The following STAU2 variants were observed in gnomAD, a reference collection of about 807,000 sequenced individuals.
The protein encoded by STAU2 is double-stranded RNA-binding protein Staufen homolog 2.
Under a neutral mutation model 65.9 loss-of-function variants are expected in STAU2, and 20 were observed. The ratio of observed to expected loss-of-function variants is 0.30; its 90% CI spans 0.21 to 0.44. STAU2 has a LOEUF of 0.44. Ranked by LOEUF, STAU2 falls within the 20% of genes least tolerant of loss-of-function variation. STAU2 has a pLI of 1.00. For missense variants in STAU2, 558 were observed against 683.9 expected (o/e 0.82, Z 2.05); for synonymous variants, 232 against 233.9 (o/e 0.99, Z 0.07).
At position 73,519,186 on chromosome 8, in the gene STAU2, T is replaced by C. The variant is rs2128927693; in HGVS notation, c.1530+32826A>G. 2.0e-5 allele frequency among the ~76,000 whole-genome samples: 3 copies of C among 152,288 alleles called. No homozygotes were observed. The South Asian group carries it at 6.2e-4, about 32-fold the overall frequency. ...AGCAAAGCCGCTGAAGTTCAAAACCTGCACTGAATCTATCTCAAACAAAGA... is the reference window on the plus strand; with the variant it reads ...AGCAAAGCCGCTGAAGTTCAAAACCCGCACTGAATCTATCTCAAACAAAGA... On this transcript the variant is annotated intron_variant, in intron 13 of 14. Transcript: ENST00000524300.
At chr8:73,551,634 A>C in intron 13 of STAU2, 2 of 994,562 alleles carry the variant, frequency 2.0e-6, no homozygotes. Flanking sequence ...ATGTAAAAAA[A>C]GGGAGAACTG....
At chr8:73,699,915 A>T (rs1819972157) in intron 4 of STAU2, among the ~76,000 whole-genome samples, 1 of 151,906 alleles carries the variant, frequency 6.6e-6, no homozygotes, top group Admixed American at 6.6e-5. Flanking sequence ...TATTGATGCA[A>T]AAACCCTCAA....
chr8:73,457,435 T>C (rs1279063268), intron 13 of STAU2, among the ~76,000 whole-genome samples: 1 of 152,226 alleles, frequency 6.6e-6, no homozygotes, highest in African/African-American at 2.4e-5. Context: ...CATAGTTGAA[T>C]CTTCATCTCG....
At chr8:73,705,698 A>C (rs1375290886) in intron 4 of STAU2, among the ~76,000 whole-genome samples, 1 of 152,218 alleles carries the variant, frequency 6.6e-6, no homozygotes, top group African/African-American at 2.4e-5. Context: ...TGAGCAGAAA[A>C]ATAAAAGAAG....
At chr8:73,670,105 G>C (rs1164070880) in intron 6 of STAU2, among the ~76,000 whole-genome samples, 1 of 151,994 alleles carries the variant, frequency 6.6e-6, no homozygotes. Context: ...ATTTACATTG[G>C]GGAACGTCAG....
Position 73,732,910 on chromosome 8 carries a change from AT to A in STAU2, c.-18+5373del, listed in dbSNP as rs1297484135. ...AGTAGTACCAGCACCAATGCTAAGC[AT>A]TTTGCCTTTGTTATCTCAATTACTC... On this transcript the variant is annotated intron_variant, in intron 3 of 14. Coordinates refer to ENST00000524300, the MANE Select transcript of STAU2 (RefSeq NM_001164380.2). The A allele has an allele frequency of 9.9e-5, 15 of 152,142 alleles. No individual in the cohort carries two copies. The East Asian group carries it at 2.9e-3, about 29-fold the overall frequency. 9.4% of individuals were successfully genotyped at this position (152,142 alleles called of 1,614,324 possible). A position where few individuals can be genotyped will look rare whatever the true frequency, so the allele number is the denominator to read the frequency against.
intron 5 of STAU2, among the ~76,000 whole-genome samples, chr8:73,681,822 A>G (rs2130471644): frequency 6.6e-6 from 1 of 152,320 alleles, no homozygotes; most frequent in East Asian, 1.9e-4. Context: ...CAGCAGGAGT[A>G]GCTATTCTTA....
At chr8:73,657,840 C>T (rs150629135) in intron 6 of STAU2, among the ~76,000 whole-genome samples, 2 of 151,628 alleles carry the variant, frequency 1.3e-5, no homozygotes, top group Non-Finnish European at 2.9e-5. Context: ...ATAGTGAAAC[C>T]TTGTCTCTAC....
chr8:73,501,470 C>T (rs1034130488), intron 13 of STAU2, among the ~76,000 whole-genome samples: 4 of 151,870 alleles, frequency 2.6e-5, no homozygotes, highest in African/African-American at 9.7e-5. Flanking sequence ...CCTATATACA[C>T]ACACTCCAGA....
chr8:73,667,090 C>G (rs901869308), intron 6 of STAU2, among the ~76,000 whole-genome samples: 2 of 152,178 alleles, frequency 1.3e-5, no homozygotes, highest in African/African-American at 4.8e-5. Context: ...ATCCAAATAT[C>G]TGAAGTTATC....
intron 9 of STAU2, among the ~76,000 whole-genome samples, chr8:73,611,530 T>C (rs1268756353): frequency 6.6e-6 from 1 of 152,158 alleles, no homozygotes; most frequent in African/African-American, 2.4e-5. Context: ...GTTTCTCCTG[T>C]CTCCCACCTC....
chr8:73,659,903 C>G (rs967014738), intron 6 of STAU2, among the ~76,000 whole-genome samples: 1 of 152,030 alleles, frequency 6.6e-6, no homozygotes, highest in Non-Finnish European at 1.5e-5. Flanking sequence ...ATAATCGCAA[C>G]AAACTTGAGG....
At chr8:73,678,888 T>C (rs1391931511) in intron 5 of STAU2, among the ~76,000 whole-genome samples, 2 of 151,968 alleles carry the variant, frequency 1.3e-5, no homozygotes, top group Admixed American at 6.6e-5. Context: ...TTCTGCAGAG[T>C]AGTCCTTGAA....
intron 13 of STAU2, among the ~76,000 whole-genome samples, chr8:73,423,477 C>A (rs571796028): frequency 6.6e-6 from 1 of 152,184 alleles, no homozygotes; most frequent in Non-Finnish European, 1.5e-5. Context: ...CTCCCCTCCC[C>A]CAAGCCCGAC....
Position 73,686,667 on chromosome 8 carries a change from C to A in STAU2, c.274+1987G>T, listed in dbSNP as rs114330863. The stretch of plus-strand genomic sequence containing the variant: ...GCATGGGTGATGGGTGCAACAAAAT[C>A]TCAGAAATCATCACGGAAGAATTTA... On this transcript the variant is annotated intron_variant, in intron 5 of 14. Coordinates refer to ENST00000524300, the MANE Select transcript of STAU2 (RefSeq NM_001164380.2). Among the ~76,000 whole-genome samples, 492 of 151,522 alleles carry A rather than the reference C, an allele frequency of 3.2e-3. 1 individual carries two copies. Among genetic ancestry groups the A allele is most frequent in the African/African-American group, 0.011 (470 of 41,292 alleles).
At chr8:73,440,649 C>A (rs1818065224) in intron 13 of STAU2, 1 of 151,488 alleles carries the variant, frequency 6.6e-6, no homozygotes, top group Non-Finnish European at 1.5e-5. Context: ...CTAACTCGCA[C>A]CCCTGTGTGC....
intron 6 of STAU2, among the ~76,000 whole-genome samples, chr8:73,663,039 T>C (rs1297200472): frequency 4.6e-5 from 7 of 152,234 alleles, no homozygotes; most frequent in Non-Finnish European, 1.0e-4. Flanking sequence ...TGTTCATATA[T>C]GGATTGATCT....
In STAU2 at chr8:73,706,401, G is replaced by C. The variant is rs141974526; in HGVS notation, c.114+2631C>G. On this transcript the variant is annotated intron_variant, in intron 4 of 14. Coordinates refer to ENST00000524300, the MANE Select transcript of STAU2 (RefSeq NM_001164380.2). ...TGAAGTTCTGGGATTACAGGCATGAGTCACCATGCCCAGCCCCAAGAAAAT... is the reference window on the plus strand; with the variant it reads ...TGAAGTTCTGGGATTACAGGCATGACTCACCATGCCCAGCCCCAAGAAAAT... Among the ~76,000 whole-genome samples the C allele has an allele frequency of 1.4e-3, 212 of 152,206 alleles. 1 individual carries two copies. Among genetic ancestry groups the C allele is most frequent in the African/African-American group, 4.8e-3 (201 of 41,524 alleles).
chr8:73,565,570 T>C (rs1302820161), intron 12 of STAU2, among the ~76,000 whole-genome samples: 1 of 152,186 alleles, frequency 6.6e-6, no homozygotes, highest in African/African-American at 2.4e-5. Flanking sequence ...TTTGTTATTG[T>C]TTGTTTTTTA....
Sources: allele counts gnomAD v4.1 joint callset (sites outside exome capture counted in the v4.1 genomes callset), GRCh38; gene constraint gnomAD v4.1.1; transcripts MANE v1.5; gene names NCBI Gene and HGNC (gene_info 2026-07-23, HGNC 2026-07-21).